PARP16: variants seen among roughly 807,000 people sequenced by gnomAD.
PARP16 encodes the protein protein mono-ADP-ribosyltransferase PARP16.
A neutral mutation model predicts 35.0 loss-of-function variants in PARP16; 31 were observed. The observed-to-expected ratio is 0.88, with a 90% CI of 0.66 to 1.19. The LOEUF is 1.19. PARP16 is among the 50% of genes most tolerant of loss of function. The probability of loss-of-function intolerance (pLI) is 0.00; values close to 1 mark genes in which losing one functional copy is unlikely to be tolerated. For missense variants in PARP16, 424 were observed against 411.2 expected, an observed-to-expected ratio of 1.03 and a Z score of -0.27; for synonymous variants, 162 against 169.5, an observed-to-expected ratio of 0.96 and a Z score of 0.34.
chr15:65,280,514 T>C (rs1181726770), intron 1 of PARP16, among the ~76,000 whole-genome samples: 1 of 150,946 alleles, frequency 6.6e-6, no homozygotes, highest in Admixed American at 6.6e-5. Flanking sequence ...CAACAACAGA[T>C]ATAAACAATG....
chr15:65,260,920 C>T lies in PARP16; in HGVS notation c.798G>A (p.Lys266=). 6.2e-7 allele frequency: 1 copy of T among 1,614,032 alleles called. No homozygotes were observed. Among genetic ancestry groups the T allele is most frequent in the South Asian group, 1.1e-5 (1 of 91,062 alleles). The change falls in exon 5 of 6, where the codon AAG becomes AAA. Residue 266 remains lysine, a synonymous_variant. Transcript: ENST00000649807. ...VVTNNQLLRV[K]YLLVYSQKPP... ...GCTTCTGTGAATACACCAGGAGGTA[C>T]TTCACTCGCAGCAGCTGGTTATTGG...
At chr15:65,256,387 T>A (rs989718643), downstream of PARP16, among the ~76,000 whole-genome samples, 1 of 150,844 alleles carries the variant, frequency 6.6e-6, no homozygotes. Flanking sequence ...AACCTTCTAA[T>A]GGCTTTCCTC....
intron 3 of PARP16, 50 bp downstream of exon 3, chr15:65,266,512 C>T: frequency 6.7e-7 from 1 of 1,493,092 alleles, no homozygotes; most frequent in Non-Finnish European, 9.3e-7. Flanking sequence ...CCCACTCTCC[C>T]ACCTCCATCC....
chr15:65,285,793 C>T (rs1244054227), intron 1 of PARP16, among the ~76,000 whole-genome samples: 1 of 152,176 alleles, frequency 6.6e-6, no homozygotes, highest in Non-Finnish European at 1.5e-5. Context: ...TACATATGTA[C>T]TGGATGTTAC....
At chr15:65,286,176 G>T in intron 1 of PARP16, 77 bp downstream of exon 1, 1 of 1,192,972 alleles carries the variant, frequency 8.4e-7, no homozygotes, top group South Asian at 1.7e-5. Context: ...AATGCGGATG[G>T]AACTGCCTCT....
At chr15:65,231,436 C>G (rs887579232), downstream of PARP16, among the ~76,000 whole-genome samples, 1 of 151,064 alleles carries the variant, frequency 6.6e-6, no homozygotes, top group Non-Finnish European at 1.5e-5. Context: ...TTTCTCCTTA[C>G]ATAGTTTGCA....
chr15:65,266,744 C>CAG lies in PARP16; in HGVS notation c.335_336dup (p.Gly113LeufsTer36), dbSNP rs1325393889. 1 of 1,613,810 alleles carries CAG rather than the reference C, an allele frequency of 6.2e-7. No homozygotes were observed. Among genetic ancestry groups the CAG allele is most frequent in the East Asian group, 2.2e-5 (1 of 44,890 alleles). On this transcript the variant is annotated frameshift_variant, in exon 3 of 6. Coordinates refer to ENST00000649807, the MANE Select transcript of PARP16 (RefSeq NM_001316943.2). LOFTEE classifies it high-confidence loss of function. ...GCAGGAACAGGCGTGTGAGGAGCCC[C>CAG]AGTCAGCTTTTGGATCTTTTCAAAC...
At chr15:65,250,900 C>T (rs1338803038) in intron 2 of PARP16, among the ~76,000 whole-genome samples, 1 of 152,188 alleles carries the variant, frequency 6.6e-6, no homozygotes, top group Non-Finnish European at 1.5e-5. Flanking sequence ...CGGAGTCTCA[C>T]TCTGCTGCCC....
intron 3 of PARP16, among the ~76,000 whole-genome samples, chr15:65,246,859 GT>G (rs2089222493): frequency 1.3e-5 from 2 of 152,146 alleles, no homozygotes; most frequent in South Asian, 4.1e-4. Context: ...TAAACATGTG[GT>G]TTACATGAAT....
intron 1 of PARP16, among the ~76,000 whole-genome samples, chr15:65,276,253 T>G (rs1393824829): frequency 2.0e-5 from 3 of 152,246 alleles, no homozygotes; most frequent in Non-Finnish European, 2.9e-5. Flanking sequence ...GACTAAAACC[T>G]GTCTGCATTT....
At chr15:65,239,424 TAAAAAAAAAAAAAAAAA>T (rs758350761) in intron 3 of PARP16, among the ~76,000 whole-genome samples, 2 of 6,960 alleles carry the variant, frequency 2.9e-4, no homozygotes, top group African/African-American at 6.2e-4. Flanking sequence ...AGACTTTGCC[TAAAAAAAAAAAAAAAAA>T]AAAAAAAAAA....
chr15:65,253,320 C>T (rs1008851887), downstream of PARP16, among the ~76,000 whole-genome samples: 3 of 151,878 alleles, frequency 2.0e-5, no homozygotes, highest in Non-Finnish European at 4.4e-5. Flanking sequence ...TTTTTTTTCT[C>T]GTCTAATTTC....
rs368598418 is a variant in PARP16 at position 65,241,885 on chromosome 15, C to T, written c.*97+6232G>A. ...TTTTTCTAGTGGTATCATTAGAGAG[C>T]AAAAGTTTTAAATTTTAATGAAGTT... On this transcript the variant is annotated intron_variant and NMD_transcript_variant, in intron 3 of 3. Coordinates refer to the PARP16 transcript ENST00000559805. Among the ~76,000 whole-genome samples, 25 of 152,160 alleles carry T rather than the reference C, an allele frequency of 1.6e-4. No homozygotes were observed. The South Asian group carries it at 4.8e-3, about 29-fold the overall frequency.
At chr15:65,283,726 T>C (rs1055131809) in intron 1 of PARP16, among the ~76,000 whole-genome samples, 5 of 152,192 alleles carry the variant, frequency 3.3e-5, no homozygotes, top group Non-Finnish European at 7.3e-5. Context: ...GCTTACCTAG[T>C]ATGAGAGGTT....
rs556058787 is a variant in PARP16, at chr15:65,267,678, C to CTT, written c.313-912_313-911dup. On this transcript the variant is annotated intron_variant, in intron 2 of 5. Coordinates refer to ENST00000649807, the MANE Select transcript of PARP16 (RefSeq NM_001316943.2). ...TGGAGATCACTTCTAATTTTCCTAACTTTTTTTTTTTTTTTTTTTTTTTTT... is the reference window on the plus strand; with the variant it reads ...TGGAGATCACTTCTAATTTTCCTAACTTTTTTTTTTTTTTTTTTTTTTTTTTT... Among the ~76,000 whole-genome samples, 528 of 53,034 alleles carry CTT rather than the reference C, an allele frequency of 1.0e-2. 166 individuals are homozygous for CTT. Among genetic ancestry groups the CTT allele is most frequent in the African/African-American group, 0.018 (247 of 13,748 alleles). The allele number at this position is 53,034 out of a possible 152,430, so 34.8% of individuals were successfully genotyped here. A position where few individuals can be genotyped will look rare whatever the true frequency, so the allele number is the denominator to read the frequency against.
rs185849464 is a variant in PARP16 at position 65,236,695 on chromosome 15, G to A, written c.*98-1872C>T. On this transcript the variant is annotated intron_variant and NMD_transcript_variant, in intron 3 of 3. Coordinates refer to the PARP16 transcript ENST00000559805. The stretch of plus-strand genomic sequence containing the variant: ...GCATAAAAGTTGTGGGAAGCTGGCT[G>A]GGCACGGTGGCTTATGCCTGTAATC... Among the ~76,000 whole-genome samples the A allele has an allele frequency of 3.8e-3, 578 of 152,340 alleles. 2 individuals are homozygous for A. The highest frequency in any genetic ancestry group is 6.3e-3 in the Non-Finnish European group (426 of 68,024).
intron 1 of PARP16, among the ~76,000 whole-genome samples, chr15:65,284,400 T>C (rs993646260): frequency 3.9e-5 from 5 of 129,692 alleles, no homozygotes; most frequent in African/African-American, 1.4e-4. Flanking sequence ...TGGAGTGCAG[T>C]GGGGCGATCT....
intron 2 of PARP16, among the ~76,000 whole-genome samples, chr15:65,249,204 C>T (rs1567012723): frequency 6.6e-6 from 1 of 152,220 alleles, no homozygotes. Context: ...TGTTCTAGTC[C>T]TGCTTCTGTC....
chr15:65,262,059 T>C (rs776101987), intron 4 of PARP16, among the ~76,000 whole-genome samples: 13 of 152,102 alleles, frequency 8.5e-5, no homozygotes, highest in Non-Finnish European at 1.3e-4. Flanking sequence ...AGAATTCCAG[T>C]TGTTTTACAT....
Sources: gnomAD v4.1 joint callset for allele counts (sites outside exome capture counted in the v4.1 genomes callset) on GRCh38, gnomAD v4.1.1 for gene constraint, MANE v1.5 for transcripts, NCBI Gene and HGNC (gene_info 2026-07-23, HGNC 2026-07-21) for gene names.